Variants in DCAF8 observed in about 807,000 individuals in gnomAD.
DCAF8 encodes the protein DDB1- and CUL4-associated factor 8.
A neutral mutation model predicts 68.0 loss-of-function variants in DCAF8; 20 were observed. That is an observed-to-expected ratio of 0.29 (90% CI 0.21 to 0.43). The LOEUF is 0.43. Among genes scored for constraint, DCAF8 ranks in the 20% least tolerant of loss-of-function variants. The pLI is 1.00. For synonymous variants in DCAF8, 230 were observed against 276.9 expected (o/e 0.83, Z 1.68); for missense variants, 460 against 771.0 (o/e 0.60, Z 4.78).
intron 7 of DCAF8, among the ~76,000 whole-genome samples, chr1:160,230,828 T>C (rs1047539094): frequency 3.4e-4 from 52 of 152,180 alleles, no homozygotes; most frequent in African/African-American, 1.2e-3. Context: ...CTTGGCTCAT[T>C]GCAACCTCTG....
chr1:160,229,694 C>T (rs1043672419), intron 7 of DCAF8, among the ~76,000 whole-genome samples: 3 of 152,090 alleles, frequency 2.0e-5, no homozygotes, highest in Middle Eastern at 3.2e-3. Context: ...ATACAAACTA[C>T]AACCCTTTTT....
In DCAF8 at chr1:160,249,301, T is replaced by C. The variant is rs375901469; in HGVS notation, c.-26-5267A>G. ...ACCACAATGAGAATCCACTAAACAC[T>C]TATTTGAATGGTCAAAAATTGTTTA... is the stretch of plus-strand genomic sequence containing the variant. On this transcript the variant is annotated intron_variant, in intron 2 of 13. Coordinates refer to ENST00000368074, the MANE Select transcript of DCAF8 (RefSeq NM_015726.4). Among the ~76,000 whole-genome samples, 25 of 152,218 alleles carry C rather than the reference T, an allele frequency of 1.6e-4. 2 individuals are homozygous for C. In the East Asian group the frequency reaches 3.1e-3, roughly 19 times the overall value.
intron 2 of DCAF8, among the ~76,000 whole-genome samples, chr1:160,245,905 G>A (rs1410115477): frequency 2.6e-5 from 4 of 152,146 alleles, no homozygotes; most frequent in Non-Finnish European, 2.9e-5. Flanking sequence ...TTGGGAGGCC[G>A]AGGAGGGCAG....
chr1:160,236,786 G>T (rs998352256), intron 6 of DCAF8, among the ~76,000 whole-genome samples: 3 of 152,170 alleles, frequency 2.0e-5, no homozygotes, highest in Non-Finnish European at 2.9e-5. Context: ...AATTAAAAAT[G>T]TATTTAAATT....
intron 6 of DCAF8, among the ~76,000 whole-genome samples, chr1:160,236,825 G>A (rs1399288027): frequency 6.6e-6 from 1 of 152,146 alleles, no homozygotes; most frequent in East Asian, 1.9e-4. Context: ...ACCTCTACAT[G>A]AGTCTGTGGA....
At chr1:160,251,681 T>A (rs531960121) in intron 2 of DCAF8, among the ~76,000 whole-genome samples, 2 of 152,280 alleles carry the variant, frequency 1.3e-5, no homozygotes, top group African/African-American at 2.4e-5. Context: ...TTGCCCAGGC[T>A]GGTCTCGAAC....
rs888260768 is a variant in DCAF8 at position 160,237,119 on chromosome 1, T to C, written c.959+16A>G. 7 of 1,527,702 alleles carry C rather than the reference T, an allele frequency of 4.6e-6. No homozygotes were observed. The Admixed American group carries it at 1.0e-4, about 22-fold the overall frequency. The allele number at this position is 1,527,702 out of a possible 1,614,324, so 94.6% of individuals were successfully genotyped here. On this transcript the variant is annotated intron_variant, in intron 6 of 13. Transcript: ENST00000368074. ...TAAGAGATACAGTTCTGTAATGATA[T>C]TACTGCTACACTTACGACGCTGGGC...
At chr1:160,243,739 T>A (rs1005685367) in intron 3 of DCAF8, among the ~76,000 whole-genome samples, 1 of 152,206 alleles carries the variant, frequency 6.6e-6, no homozygotes, top group Non-Finnish European at 1.5e-5. Context: ...CTCTTAGAAG[T>A]ACAGCTCTGT....
chr1:160,231,683 T>C (rs1571088053), intron 6 of DCAF8, among the ~76,000 whole-genome samples: 1 of 152,332 alleles, frequency 6.6e-6, no homozygotes, highest in South Asian at 2.1e-4. Context: ...GGTATATGAA[T>C]GTACCATTCT....
At chr1:160,248,342 C>G (rs1571107324) in intron 2 of DCAF8, among the ~76,000 whole-genome samples, 1 of 151,772 alleles carries the variant, frequency 6.6e-6, no homozygotes, top group African/African-American at 2.4e-5. Flanking sequence ...CCAAGAGATA[C>G]TGTTACAACA....
intron 1 of DCAF8, 86 bp downstream of exon 1, chr1:160,262,363 G>A (rs533060352): frequency 2.8e-4 from 111 of 399,674 alleles, no homozygotes; most frequent in African/African-American, 2.1e-3. Flanking sequence ...TCCCGTCTTG[G>A]GTCATCCTTC....
Position 160,240,102 on chromosome 1 carries a change from TTCC to T in DCAF8, c.315_317del (p.Glu112del). The T allele has an allele frequency of 1.9e-6, 3 of 1,581,998 alleles. No individual in the cohort carries two copies. The highest frequency in any genetic ancestry group is 2.6e-6 in the Non-Finnish European group (3 of 1,150,934). The stretch of plus-strand genomic sequence containing the variant: ...GAGGCTGCTCTTCTTCCTCCTCTTC[TTCC>T]TCCTCTTCCTCTTCCTCTGAGCGGT... On this transcript the variant is annotated inframe_deletion, in exon 4 of 14. Coordinates refer to ENST00000368074, the MANE Select transcript of DCAF8 (RefSeq NM_015726.4).
rs539466123 is a variant in DCAF8, at chr1:160,260,731, T to A, written c.-27+554A>T. On this transcript the variant is annotated intron_variant, in intron 2 of 13. Transcript: ENST00000368074. The stretch of plus-strand genomic sequence containing the variant: ...GCAGCCACTATTTTTTTTTTTTTTT[T>A]ACAAAAAATTTCCCACTATATCCTA... Among the ~76,000 whole-genome samples, 79 of 150,738 alleles carry A rather than the reference T, an allele frequency of 5.2e-4. 1 individual carries two copies. The highest frequency in any genetic ancestry group is 3.5e-3 in the South Asian group (17 of 4,804).
chr1:160,236,633 T>C (rs1655907337), intron 6 of DCAF8, among the ~76,000 whole-genome samples: 1 of 152,218 alleles, frequency 6.6e-6, no homozygotes, highest in Non-Finnish European at 1.5e-5. Context: ...GTTTTTTCTA[T>C]GATACCACAC....
chr1:160,243,901 G>A, intron 3 of DCAF8, 59 bp downstream of exon 3: 1 of 1,552,184 alleles, frequency 6.4e-7, no homozygotes, highest in South Asian at 1.1e-5. Flanking sequence ...TATCTTGCAG[G>A]GAGGAGGACA....
intron 7 of DCAF8, among the ~76,000 whole-genome samples, chr1:160,226,104 C>T (rs1655463410): frequency 1.3e-5 from 2 of 152,106 alleles, no homozygotes; most frequent in South Asian, 4.1e-4. Flanking sequence ...AGTGGCAATC[C>T]TCAATTCTGT....
At chr1:160,239,362 A>G (rs1656010783) in intron 4 of DCAF8, 3 of 1,348,708 alleles carry the variant, frequency 2.2e-6, no homozygotes, top group Admixed American at 6.5e-5. Flanking sequence ...AACTTGGCCA[A>G]GATCACTGAG....
At chr1:160,244,104 G>A in intron 2 of DCAF8, 70 bp from the exon 3 acceptor site, 1 of 1,128,628 alleles carries the variant, frequency 8.9e-7, no homozygotes, top group Admixed American at 1.7e-5. Context: ...TAGGGACAAG[G>A]AGATTTAACA....
chr1:160,224,613 G>A (rs776713807), intron 9 of DCAF8, 64 bp from the exon 10 acceptor site: 6 of 1,288,690 alleles, frequency 4.7e-6, no homozygotes, highest in African/African-American at 1.5e-5. Flanking sequence ...CAGGAGGTGG[G>A]GGTTGGGGTG....
Sources: allele counts gnomAD v4.1 joint callset (sites outside exome capture counted in the v4.1 genomes callset), GRCh38; gene constraint gnomAD v4.1.1; transcripts MANE v1.5; gene names NCBI Gene and HGNC (gene_info 2026-07-23, HGNC 2026-07-21).